The following USP10 variants were observed in gnomAD, a reference collection of about 807,000 sequenced individuals.
The protein encoded by USP10 is ubiquitin specific peptidase 10.
A neutral mutation model predicts 84.5 loss-of-function variants in USP10; 22 were observed. The ratio of observed to expected loss-of-function variants is 0.26; its 90% CI spans 0.19 to 0.37. The LOEUF (loss-of-function observed/expected upper bound fraction) is 0.37, where lower values mean the gene tolerates loss of function less well. Among genes scored for constraint, USP10 ranks in the 10% least tolerant of loss-of-function variants. The probability of loss-of-function intolerance (pLI) is 1.00; values close to 1 mark genes in which losing one functional copy is unlikely to be tolerated. For synonymous variants in USP10, 454 were observed against 387.6 expected (o/e 1.17, Z -2.01); for missense variants, 1,019 against 998.9 (o/e 1.02, Z -0.27).
intron 1 of USP10, among the ~76,000 whole-genome samples, chr16:84,717,396 T>A (rs1907173744): frequency 6.6e-6 from 1 of 152,258 alleles, no homozygotes; most frequent in Non-Finnish European, 1.5e-5. Context: ...TAGAGCATAA[T>A]GGACATTCAG....
intron 4 of USP10, among the ~76,000 whole-genome samples, chr16:84,747,119 C>G (rs186694064): frequency 6.6e-6 from 1 of 152,156 alleles, no homozygotes; most frequent in Non-Finnish European, 1.5e-5. Flanking sequence ...AAATGTTACG[C>G]CGCGCGTGAC....
chr16:84,716,410 G>C (rs1379702830), intron 1 of USP10: 1 of 152,134 alleles, frequency 6.6e-6, no homozygotes, highest in African/African-American at 2.4e-5. Context: ...AACTTTTAAA[G>C]TTTTTTCATC....
intron 12 of USP10, among the ~76,000 whole-genome samples, chr16:84,773,846 A>C (rs1248499021): frequency 6.6e-6 from 1 of 152,192 alleles, no homozygotes; most frequent in Admixed American, 6.5e-5. Context: ...CCTCCAGATC[A>C]GCTGTCTGAG....
intron 4 of USP10, among the ~76,000 whole-genome samples, chr16:84,757,803 G>C (rs117472516): frequency 6.6e-6 from 1 of 152,146 alleles, no homozygotes; most frequent in Non-Finnish European, 1.5e-5. Context: ...AGGTGAGTTA[G>C]TCAGTCTTTG....
At chr16:84,732,603 C>T (rs958795497) in intron 1 of USP10, 5 of 307,182 alleles carry the variant, frequency 1.6e-5, no homozygotes, top group South Asian at 4.8e-5. Flanking sequence ...CACGCCACCA[C>T]GCCTGGCTAA....
intron 1 of USP10, among the ~76,000 whole-genome samples, chr16:84,715,840 C>G (rs1269065088): frequency 6.6e-6 from 1 of 152,152 alleles, no homozygotes; most frequent in African/African-American, 2.4e-5. Context: ...TCTTTTCATT[C>G]TGCCTGTCAG....
At chr16:84,758,653 A>G (rs1017948882) in intron 4 of USP10, 63 bp from the exon 5 acceptor site, 2 of 1,167,860 alleles carry the variant, frequency 1.7e-6, no homozygotes, top group African/African-American at 3.0e-5. Flanking sequence ...AGCATGTGAA[A>G]TGATTTGAAT....
chr16:84,778,686 C>T (rs903833699), intron 13 of USP10, among the ~76,000 whole-genome samples: 7 of 152,178 alleles, frequency 4.6e-5, no homozygotes, highest in Non-Finnish European at 7.3e-5. Flanking sequence ...TTACCCTTAC[C>T]TTGCAGTTAT....
At chr16:84,777,980 G>C (rs947147868) in intron 13 of USP10, among the ~76,000 whole-genome samples, 1 of 152,198 alleles carries the variant, frequency 6.6e-6, no homozygotes, top group Non-Finnish European at 1.5e-5. Context: ...TAGAAGTGGA[G>C]GATGTGTTCT....
chr16:84,758,730 G>A lies in USP10; in HGVS notation c.1207G>A (p.Val403Ile), dbSNP rs1199797829. Reference sequence around the variant, plus strand: ...CACTCTTTCAGAGTTGCTGGAGAATGTAACCCTAATCCATAAACCAGTGTC... The same window carrying A: ...CACTCTTTCAGAGTTGCTGGAGAATATAACCCTAATCCATAAACCAGTGTC... ...AIKIAELLEN[V>I]TLIHKPVSLQ... The change falls in exon 5 of 14, where the codon GTA (valine) becomes ATA (isoleucine). Residue 403 changes from valine to isoleucine, a missense_variant. Physicochemically the swap from Val to Ile is conservative, Grantham distance 29 (BLOSUM62 3). Coordinates refer to ENST00000219473, the MANE Select transcript of USP10 (RefSeq NM_005153.3). 3.1e-6 allele frequency: 5 copies of A among 1,613,160 alleles called. No individual in the cohort carries two copies. The East Asian group carries it at 8.9e-5, about 29-fold the overall frequency.
chr16:84,727,642 G>A (rs756208262), intron 1 of USP10, among the ~76,000 whole-genome samples: 2 of 152,188 alleles, frequency 1.3e-5, no homozygotes, highest in Non-Finnish European at 2.9e-5. Flanking sequence ...TTCTCTGTCT[G>A]CAAATACACA....
rs972156508 is a variant in USP10 at position 84,730,998 on chromosome 16, T to G, written c.22-2437T>G. 1.9e-4 allele frequency among the ~76,000 whole-genome samples: 21 copies of G among 109,144 alleles called. No homozygotes were observed. In the South Asian group the frequency reaches 3.5e-3, roughly 18 times the overall value. 71.6% of individuals were successfully genotyped at this position (109,144 alleles called of 152,430 possible). ...TACCTTTTTTTTTTTTTTTTTTTTT[T>G]GACACGGAATCTCTCTCTGTCAGCA... On this transcript the variant is annotated intron_variant, in intron 1 of 13. Transcript: ENST00000219473.
chr16:84,708,099 T>C (rs1432176603), intron 1 of USP10, among the ~76,000 whole-genome samples: 3 of 151,708 alleles, frequency 2.0e-5, no homozygotes, highest in African/African-American at 7.3e-5. Flanking sequence ...AGATAAGAAA[T>C]ATTTTGAAGA....
At chr16:84,775,448 A>G (rs1469319184) in intron 13 of USP10, among the ~76,000 whole-genome samples, 5 of 152,228 alleles carry the variant, frequency 3.3e-5, no homozygotes, top group Non-Finnish European at 7.3e-5. Context: ...GACCTTGCTC[A>G]AAGCGAACAT....
chr16:84,708,239 C>T (rs1363158471), intron 1 of USP10, among the ~76,000 whole-genome samples: 1 of 152,112 alleles, frequency 6.6e-6, no homozygotes, highest in East Asian at 1.9e-4. Flanking sequence ...CACCTGAGGT[C>T]AGGAGTTTGA....
chr16:84,761,282 C>T (rs1913177314), intron 8 of USP10, among the ~76,000 whole-genome samples: 1 of 152,152 alleles, frequency 6.6e-6, no homozygotes, highest in Admixed American at 6.5e-5. Context: ...CTCAGGAACC[C>T]CTCTTGGATC....
chr16:84,700,068 G>C lies in USP10; in HGVS notation c.-23G>C. On this transcript the variant is annotated 5_prime_UTR_variant, in exon 1 of 14. Transcript: ENST00000219473. Reference sequence around the variant, plus strand: ...CAGCGTGAGCAGCCGGAGGATCGCGGAGTCCCAATGAAACGGGCAGCCATG... The same window carrying C: ...CAGCGTGAGCAGCCGGAGGATCGCGCAGTCCCAATGAAACGGGCAGCCATG... 7.3e-7 allele frequency: 1 copy of C among 1,371,624 alleles called. No individual in the cohort carries two copies. Among genetic ancestry groups the C allele is most frequent in the Non-Finnish European group, 9.6e-7 (1 of 1,042,194 alleles). 85.0% of individuals were successfully genotyped at this position (1,371,624 alleles called of 1,614,324 possible).
chr16:84,727,852 A>T (rs1908709507), intron 1 of USP10, among the ~76,000 whole-genome samples: 1 of 152,238 alleles, frequency 6.6e-6, no homozygotes, highest in South Asian at 2.1e-4. Context: ...TACCACTTTC[A>T]CAAATTTACA....
At chr16:84,712,336 C>T (rs1243807544) in intron 1 of USP10, among the ~76,000 whole-genome samples, 1 of 152,170 alleles carries the variant, frequency 6.6e-6, no homozygotes, top group East Asian at 1.9e-4. Flanking sequence ...GCCAACACCA[C>T]ATGGATGAGC....
Sources: gnomAD v4.1 joint callset for allele counts (sites outside exome capture counted in the v4.1 genomes callset) on GRCh38, gnomAD v4.1.1 for gene constraint, MANE v1.5 for transcripts, NCBI Gene and HGNC (gene_info 2026-07-23, HGNC 2026-07-21) for gene names.